SMARCA4: variants seen among roughly 807,000 people sequenced by gnomAD.
The protein encoded by SMARCA4 is SWI/SNF-related matrix-associated actin-dependent regulator of chromatin subfamily A member 4.
SMARCA4 carries 31 observed loss-of-function variants against 193.9 expected under a neutral mutation model. The observed-to-expected ratio is 0.16, with a 90% CI of 0.12 to 0.22. The LOEUF (loss-of-function observed/expected upper bound fraction) is 0.22, where lower values mean the gene tolerates loss of function less well. Among genes scored for constraint, SMARCA4 ranks in the 10% least tolerant of loss-of-function variants. The probability of loss-of-function intolerance (pLI) is 1.00; values close to 1 mark genes in which losing one functional copy is unlikely to be tolerated. For synonymous variants in SMARCA4, 942 were observed against 933.1 expected (o/e 1.01, Z -0.17); for missense variants, 1,148 against 2,296.0 (o/e 0.50, Z 10.22).
rs755493468 is a variant in SMARCA4 at position 11,060,102 on chromosome 19, T to C, written c.4826T>C (p.Leu1609Pro). Residue 1609 changes from leucine (L) to proline (P), a missense_variant, in exon 34 of 35, where the codon CTG (leucine) becomes CCG (proline). By Grantham distance (98) the Leu-to-Pro change is moderately conservative. Coordinates refer to ENST00000344626, the MANE Select transcript of SMARCA4 (RefSeq NM_003072.5). ...LGRKEKAQDR[L>P]KGGRRRPSRG... ...CGGAAGGAGAAGGCACAGGACCGGC[T>C]GAAGGGCGGCCGGCGGCGGCCGAGC... 103 of 1,551,946 alleles carry C rather than the reference T, an allele frequency of 6.6e-5. No individual in the cohort carries two copies. The highest frequency in any genetic ancestry group is 8.6e-5 in the Non-Finnish European group (99 of 1,147,396).
At chr19:11,050,695 G>A (rs951354526) in intron 30 of SMARCA4, among the ~76,000 whole-genome samples, 1 of 152,246 alleles carries the variant, frequency 6.6e-6, no homozygotes, top group Non-Finnish European at 1.5e-5. Context: ...GAAACAGATT[G>A]TCTGAATGTT....
Position 11,058,485 on chromosome 19 carries a change from T to C in SMARCA4, c.4533+122T>C. ...ACCAGAAACCACCTAGGCGGTGCCT[T>C]GGGCTACCTGGTTAGGGACCTGGTC... On this transcript the variant is annotated intron_variant, in intron 31 of 34. Coordinates refer to ENST00000344626, the MANE Select transcript of SMARCA4 (RefSeq NM_003072.5). This position sits in a 1 kb window ranked among gnomAD's most constrained non-coding sequence, Gnocchi z 5.8. 1 of 765,668 alleles carries C rather than the reference T, an allele frequency of 1.3e-6. No homozygotes were observed. The highest frequency in any genetic ancestry group is 2.3e-6 in the Non-Finnish European group (1 of 440,136). The allele number at this position is 765,668 out of a possible 1,614,324, so 47.4% of individuals were successfully genotyped here.
chr19:10,963,603 A>G (rs1303062133), intron 1 of SMARCA4, among the ~76,000 whole-genome samples: 1 of 151,990 alleles, frequency 6.6e-6, no homozygotes, highest in Non-Finnish European at 1.5e-5. Flanking sequence ...AGCTCTCTAA[A>G]TCGTAGCTTA....
At chr19:11,018,375 T>A (rs2089559116) in intron 16 of SMARCA4, 1 of 222,386 alleles carries the variant, frequency 4.5e-6, no homozygotes, top group Non-Finnish European at 9.1e-6. Flanking sequence ...CCCCATGTCC[T>A]CCCTCATTCC....
At chr19:10,977,078 A>T (rs2085194051) in intron 1 of SMARCA4, among the ~76,000 whole-genome samples, 1 of 152,126 alleles carries the variant, frequency 6.6e-6, no homozygotes, top group South Asian at 2.1e-4. Context: ...ATAAACAAAT[A>T]ACAAGAACAA....
At chr19:11,049,808 A>G (rs116342734) in intron 30 of SMARCA4, among the ~76,000 whole-genome samples, 10 of 152,292 alleles carry the variant, frequency 6.6e-5, no homozygotes, top group African/African-American at 2.2e-4. Flanking sequence ...CTGCTACAAT[A>G]AAGACCATGC....
At chr19:10,963,887 A>G (rs1390702172) in intron 1 of SMARCA4, among the ~76,000 whole-genome samples, 1 of 151,702 alleles carries the variant, frequency 6.6e-6, no homozygotes, top group Non-Finnish European at 1.5e-5. Flanking sequence ...GTGGACCATG[A>G]TTGAGCCACT....
intron 9 of SMARCA4, 75 bp downstream of exon 9, chr19:10,995,076 A>G (rs112814729): frequency 7.3e-7 from 1 of 1,373,436 alleles, no homozygotes; most frequent in Non-Finnish European, 1.0e-6. Context: ...GTCACTCCCC[A>G]GGGTTACGCC....
In SMARCA4 at chr19:10,987,194, T is replaced by A. The variant is rs2086131659; in HGVS notation, c.859+191T>A. Among the ~76,000 whole-genome samples, 2 of 152,200 alleles carry A rather than the reference T, an allele frequency of 1.3e-5. No individual in the cohort carries two copies. Among genetic ancestry groups the A allele is most frequent in the African/African-American group, 4.8e-5 (2 of 41,450 alleles). ...GTTCCCAAAGGCTGTCGTTCATCCC[T>A]CCTCTGACAGCTTGTGGCCTTCACC... On this transcript the variant is annotated intron_variant, in intron 5 of 34. Transcript: ENST00000344626. This position sits in a 1 kb window ranked among gnomAD's most constrained non-coding sequence, Gnocchi z 5.3.
intron 1 of SMARCA4, among the ~76,000 whole-genome samples, chr19:10,976,769 A>AAAAG (rs2085161453): frequency 1.4e-5 from 2 of 147,700 alleles, no homozygotes; most frequent in Admixed American, 6.8e-5. Context: ...AAAAAAAAAA[A>AAAAG]TTGGGCCGGG....
At position 11,034,140 on chromosome 19, in the gene SMARCA4, C is replaced by T. The variant is rs149562732; in HGVS notation, c.3891C>T (p.Pro1297=). The T allele has an allele frequency of 3.1e-6, 5 of 1,613,684 alleles. No homozygotes were observed. The highest frequency in any genetic ancestry group is 2.2e-5 in the East Asian group (1 of 44,882). The change falls in exon 28 of 35, where the codon CCC becomes CCT. Residue 1297 remains proline (P), a synonymous_variant. Transcript: ENST00000344626. This position sits in a 1 kb window ranked among gnomAD's most constrained non-coding sequence, Gnocchi z 7.0. ...TCTTATAGGAGGAAGACGAGGTGCC[C>T]GACGACGAGACCGTCAACCAGATGA... The part of the protein sequence containing the change: ...EPPLKEEDEV[P]DDETVNQMIA...
chr19:10,992,402 C>G (rs1359577777), intron 8 of SMARCA4, among the ~76,000 whole-genome samples: 3 of 151,510 alleles, frequency 2.0e-5, no homozygotes, highest in African/African-American at 4.9e-5. Context: ...CAGGCGTAAT[C>G]CCCCGTGCCT....
Position 11,030,480 on chromosome 19 carries a change from C to T in SMARCA4, c.3383-250C>T, listed in dbSNP as rs533357903. On this transcript the variant is annotated intron_variant, in intron 24 of 34. Coordinates refer to ENST00000344626, the MANE Select transcript of SMARCA4 (RefSeq NM_003072.5). This position sits in a 1 kb window ranked among gnomAD's most constrained non-coding sequence, Gnocchi z 5.5. Reference sequence around the variant, plus strand: ...GCTGGACTCTGTGCTCCAGGCCCACCTCCTCTAGTTCTCCCAGCGGGGCCT... The same window carrying T: ...GCTGGACTCTGTGCTCCAGGCCCACTTCCTCTAGTTCTCCCAGCGGGGCCT... 6.6e-6 allele frequency among the ~76,000 whole-genome samples: 1 copy of T among 152,320 alleles called. No individual in the cohort carries two copies. The highest frequency in any genetic ancestry group is 2.4e-5 in the African/African-American group (1 of 41,570).
rs1191429654 is a variant in SMARCA4 at position 11,034,742 on chromosome 19, C to T, written c.3952-172C>T. 2.6e-5 allele frequency among the ~76,000 whole-genome samples: 4 copies of T among 152,254 alleles called. No individual in the cohort carries two copies. Among genetic ancestry groups the T allele is most frequent in the Middle Eastern group, 3.4e-3 (1 of 294 alleles). On this transcript the variant is annotated intron_variant, in intron 28 of 34. Transcript: ENST00000344626. The surrounding 1 kb of genome is among the most constrained non-coding windows in gnomAD (Gnocchi z 7.0). The stretch of plus-strand genomic sequence containing the variant: ...GGCAGAGCCTCTAGTCAGGGTCTGA[C>T]GGAGCCAGGCCAGGTCAGCCACTGA...
chr19:11,020,371 C>A (rs937691692), intron 18 of SMARCA4, among the ~76,000 whole-genome samples: 2 of 152,048 alleles, frequency 1.3e-5, no homozygotes, highest in African/African-American at 4.8e-5. Context: ...CCCTAAACAT[C>A]CAGCTGAGTG....
At position 10,987,856 on chromosome 19, in the gene SMARCA4, C is replaced by A. The variant is rs777628688; in HGVS notation, c.1050C>A (p.Ser350Arg). ...APMVPLHQKQ[S>R]RITPIQKPRG... is the part of the protein sequence containing the mutation. The stretch of plus-strand genomic sequence containing the variant: ...TGGTGCCACTGCACCAGAAGCAGAG[C>A]CGCATCACCCCCATCCAGAAGCCGC... Residue 350 changes from serine (S) to arginine (R), a missense_variant, in exon 6 of 35, where the codon AGC becomes AGA. Around this residue, in one of 17 missense-constraint regions of SMARCA4, gnomAD observed 257 missense variants for 276.5 expected, o/e 0.93. Coordinates refer to ENST00000344626, the MANE Select transcript of SMARCA4 (RefSeq NM_003072.5). The surrounding 1 kb of genome is among the most constrained non-coding windows in gnomAD (Gnocchi z 5.3). 10 of 1,612,228 alleles carry A rather than the reference C, an allele frequency of 6.2e-6. No homozygotes were observed. In the Admixed American group the frequency reaches 1.5e-4, roughly 24 times the overall value.
chr19:10,999,841 A>G (rs1174925461), intron 11 of SMARCA4, among the ~76,000 whole-genome samples: 2 of 152,230 alleles, frequency 1.3e-5, no homozygotes, highest in Non-Finnish European at 2.9e-5. Flanking sequence ...CCAAAGTGCT[A>G]ATGGACACCT....
intron 13 of SMARCA4, among the ~76,000 whole-genome samples, chr19:11,006,146 T>C (rs2088179653): frequency 6.6e-6 from 1 of 152,254 alleles, no homozygotes; most frequent in Non-Finnish European, 1.5e-5. Context: ...TAAAGCTTTG[T>C]AGCAGTTCCA....
chr19:11,049,692 G>A (rs1261299321), intron 30 of SMARCA4, among the ~76,000 whole-genome samples: 1 of 152,168 alleles, frequency 6.6e-6, no homozygotes, highest in Non-Finnish European at 1.5e-5. Context: ...GCTTGGTAAG[G>A]GCTCAGAGAA....
Sources: gnomAD v4.1 joint callset for allele counts (sites outside exome capture counted in the v4.1 genomes callset) on GRCh38, gnomAD v4.1.1 for gene constraint, gnomAD v4.1.1 regional missense constraint, Gnocchi (gnomAD v3.1) non-coding constraint, MANE v1.5 for transcripts, NCBI Gene and HGNC (gene_info 2026-07-23, HGNC 2026-07-21) for gene names.